Variants in CHST8 observed in about 807,000 individuals in gnomAD.
CHST8 encodes the protein carbohydrate sulfotransferase 8.
A neutral mutation model predicts 15.0 loss-of-function variants in CHST8; 10 were observed. That is an observed-to-expected ratio of 0.67 (90% confidence interval 0.41 to 1.13). CHST8 has a LOEUF of 1.13. Among genes scored for constraint, CHST8 ranks in the 50% most tolerant of loss-of-function variants. The pLI is 0.00. For synonymous variants in CHST8, 259 were observed against 256.6 expected, an observed-to-expected ratio of 1.01 and a Z score of -0.09; for missense variants, 634 against 608.2, an observed-to-expected ratio of 1.04 and a Z score of -0.45.
At chr19:33,748,561 C>T (rs1316101202) in intron 3 of CHST8, among the ~76,000 whole-genome samples, 1 of 152,180 alleles carries the variant, frequency 6.6e-6, no homozygotes, top group Admixed American at 6.5e-5. Flanking sequence ...AAGGTCTGGC[C>T]CAGATCTGGG....
At chr19:33,630,731 C>T (rs1431280225) in intron 1 of CHST8, among the ~76,000 whole-genome samples, 6 of 151,468 alleles carry the variant, frequency 4.0e-5, no homozygotes, top group African/African-American at 7.3e-5. Flanking sequence ...GTCTAACTGA[C>T]GGAGCCAGTG....
At chr19:33,748,954 G>A (rs1280396802) in intron 3 of CHST8, among the ~76,000 whole-genome samples, 1 of 152,154 alleles carries the variant, frequency 6.6e-6, no homozygotes, top group African/African-American at 2.4e-5. Context: ...GAGTGAGGCT[G>A]GGAAGCTCCC....
Position 33,703,111 on chromosome 19 carries a change from G to A in CHST8, c.130+13720G>A, listed in dbSNP as rs143274843. Among the ~76,000 whole-genome samples, 57 of 152,314 alleles carry A rather than the reference G, an allele frequency of 3.7e-4. 1 individual carries two copies. The East Asian group carries it at 0.01, about 28-fold the overall frequency. On this transcript the variant is annotated intron_variant, in intron 3 of 4. Transcript: ENST00000650847. The stretch of plus-strand genomic sequence containing the variant: ...GCTGCCGTGGAGAGGTGGAGGGCAG[G>A]GGAGACTCCACTCCCCAAGTGGCAC...
intron 3 of CHST8, among the ~76,000 whole-genome samples, chr19:33,737,106 G>C (rs1974102084): frequency 6.6e-6 from 1 of 152,198 alleles, no homozygotes; most frequent in East Asian, 1.9e-4. Context: ...CTCAGTTCCA[G>C]GAACTCCCAG....
Position 33,772,516 on chromosome 19 carries a change from G to A in CHST8, c.728G>A (p.Gly243Asp), listed in dbSNP as rs1278119391. Reference sequence around the variant, plus strand: ...CGCCTGGACACCTTCGACCGCCAGGGTATCTTGCACCGTCTCAGCACCTAC... The same window carrying A: ...CGCCTGGACACCTTCGACCGCCAGGATATCTTGCACCGTCTCAGCACCTAC... ...LKRLDTFDRQ[G>D]ILHRLSTYTK... The change falls in exon 5 of 5, where the codon GGT becomes GAT. Residue 243 changes from glycine (G) to aspartate (D), a missense_variant. By Grantham distance (94) the Gly-to-Asp change is moderately conservative (BLOSUM62 -1). Coordinates refer to ENST00000650847, the MANE Select transcript of CHST8 (RefSeq NM_001127895.2). 2.5e-6 allele frequency: 4 copies of A among 1,613,962 alleles called. No homozygotes were observed. The highest frequency in any genetic ancestry group is 3.4e-6 in the Non-Finnish European group (4 of 1,180,004).
chr19:33,771,641 T>G (rs1974984960), intron 4 of CHST8, among the ~76,000 whole-genome samples, 191 bp downstream of exon 4: 1 of 152,168 alleles, frequency 6.6e-6, no homozygotes, highest in African/African-American at 2.4e-5. Flanking sequence ...GTTAGAAGGC[T>G]TCTTTGCACG....
chr19:33,636,035 C>A (rs1600227945), intron 1 of CHST8, among the ~76,000 whole-genome samples: 1 of 140,306 alleles, frequency 7.1e-6, no homozygotes, highest in Non-Finnish European at 1.5e-5. Context: ...GGTGGGAAGA[C>A]AGATTAGAGA....
intron 1 of CHST8, among the ~76,000 whole-genome samples, chr19:33,666,232 A>G (rs936003882): frequency 1.3e-5 from 2 of 152,218 alleles, no homozygotes; most frequent in African/African-American, 4.8e-5. Flanking sequence ...CACATAGGGA[A>G]GATGGGCTTT....
At chr19:33,652,758 T>C (rs1972465660) in intron 1 of CHST8, among the ~76,000 whole-genome samples, 1 of 152,228 alleles carries the variant, frequency 6.6e-6, no homozygotes, top group Non-Finnish European at 1.5e-5. Context: ...TCTATCCTGC[T>C]TTCTAAAGGA....
chr19:33,677,617 G>A (rs1478830898), intron 2 of CHST8, among the ~76,000 whole-genome samples: 1 of 152,168 alleles, frequency 6.6e-6, no homozygotes, highest in African/African-American at 2.4e-5. Context: ...ATAGCTCCAT[G>A]GTACCAGTCC....
intron 3 of CHST8, among the ~76,000 whole-genome samples, chr19:33,757,933 C>T (rs1599631560): frequency 6.7e-6 from 1 of 149,654 alleles, no homozygotes; most frequent in Admixed American, 6.6e-5. Context: ...CTTGCCCCAG[C>T]CCTTGGCTGG....
intron 3 of CHST8, among the ~76,000 whole-genome samples, chr19:33,744,842 G>A (rs980424219): frequency 2.6e-5 from 4 of 152,046 alleles, no homozygotes; most frequent in Middle Eastern, 3.2e-3. Context: ...TCCACCTCCC[G>A]GGTTCAAGCA....
At chr19:33,625,163 A>C (rs985563379) in intron 1 of CHST8, among the ~76,000 whole-genome samples, 1 of 150,866 alleles carries the variant, frequency 6.6e-6, no homozygotes, top group African/African-American at 2.4e-5. Flanking sequence ...TCTGTTTGCC[A>C]CAAGCTCTGC....
At chr19:33,672,158 G>A (rs913031184) in intron 2 of CHST8, among the ~76,000 whole-genome samples, 4 of 151,998 alleles carry the variant, frequency 2.6e-5, no homozygotes, top group Non-Finnish European at 5.9e-5. Context: ...TATAAGTGGT[G>A]GAATCCTCTT....
intron 1 of CHST8, among the ~76,000 whole-genome samples, chr19:33,633,458 C>T (rs547785027): frequency 6.6e-6 from 1 of 152,238 alleles, no homozygotes; most frequent in South Asian, 2.1e-4. Context: ...GTGGCGCAAT[C>T]ACAGCTCACT....
Position 33,728,885 on chromosome 19 carries a change from G to A in CHST8, c.130+39494G>A, listed in dbSNP as rs1973948286. Among the ~76,000 whole-genome samples, 3 of 152,220 alleles carry A rather than the reference G, an allele frequency of 2.0e-5. No homozygotes were observed. The South Asian group carries it at 6.2e-4, about 32-fold the overall frequency. On this transcript the variant is annotated intron_variant, in intron 3 of 4. Coordinates refer to ENST00000650847, the MANE Select transcript of CHST8 (RefSeq NM_001127895.2). Reference sequence around the variant, plus strand: ...CCCAGTGAGGGAGACTCAGTCATGAGGACAGAGGTGAGCTCCATAGGGTGC... The same window carrying A: ...CCCAGTGAGGGAGACTCAGTCATGAAGACAGAGGTGAGCTCCATAGGGTGC...
At chr19:33,639,689 G>C (rs1972253248) in intron 1 of CHST8, among the ~76,000 whole-genome samples, 1 of 152,082 alleles carries the variant, frequency 6.6e-6, no homozygotes, top group Non-Finnish European at 1.5e-5. Context: ...AGAGGAAGAA[G>C]CTGTGTTCTC....
chr19:33,713,313 G>A (rs2145297189), intron 3 of CHST8, among the ~76,000 whole-genome samples: 1 of 152,204 alleles, frequency 6.6e-6, no homozygotes, highest in African/African-American at 2.4e-5. Context: ...AGGAGGATTG[G>A]CTCCCCTGGT....
intron 2 of CHST8, among the ~76,000 whole-genome samples, chr19:33,672,467 G>T (rs982984478): frequency 1.3e-5 from 2 of 152,194 alleles, no homozygotes; most frequent in African/African-American, 4.8e-5. Flanking sequence ...CCAAAGTGCT[G>T]GGATTACAGG....
Sources: allele counts gnomAD v4.1 joint callset (sites outside exome capture counted in the v4.1 genomes callset), GRCh38; gene constraint gnomAD v4.1.1; transcripts MANE v1.5; gene names NCBI Gene and HGNC (gene_info 2026-07-23, HGNC 2026-07-21).